USP34: variants seen among roughly 807,000 people sequenced by gnomAD.
USP34 encodes ubiquitin carboxyl-terminal hydrolase 34.
In USP34, 70 loss-of-function variants were observed where a neutral mutation model predicts 460.3. That is an observed-to-expected ratio of 0.15 (90% CI 0.13 to 0.19). The LOEUF (loss-of-function observed/expected upper bound fraction) is 0.19, where lower values mean the gene tolerates loss of function less well. USP34 is among the 10% of genes least tolerant of loss of function. USP34 has a pLI of 1.00. For synonymous variants in USP34, 1,647 were observed against 1,405.3 expected (o/e 1.17, Z -3.85); for missense variants, 3,985 against 4,236.2 (o/e 0.94, Z 1.65).
At chr2:61,306,514 G>C (rs1690409315) in intron 27 of USP34, among the ~76,000 whole-genome samples, 1 of 152,172 alleles carries the variant, frequency 6.6e-6, no homozygotes, top group African/African-American at 2.4e-5. Flanking sequence ...GATGCCTCCA[G>C]CTTTGTTCTT....
rs188961996 is a variant in USP34, at chr2:61,327,430, G to A, written c.2931-1973C>T. On this transcript the variant is annotated intron_variant, in intron 20 of 79. Coordinates refer to ENST00000398571, the MANE Select transcript of USP34 (RefSeq NM_014709.4). ...ACAGCTAGCTCTTAAGGGCTTCTAG[G>A]CTTTTTAAGTTAAACAACAAGGGAT... is the stretch of plus-strand genomic sequence containing the variant. Among the ~76,000 whole-genome samples, 5 of 152,254 alleles carry A rather than the reference G, an allele frequency of 3.3e-5. No individual in the cohort carries two copies. In the East Asian group the frequency reaches 9.6e-4, roughly 29 times the overall value.
chr2:61,328,067 C>T (rs972096929), intron 20 of USP34, among the ~76,000 whole-genome samples: 3 of 152,040 alleles, frequency 2.0e-5, no homozygotes, highest in Non-Finnish European at 4.4e-5. Context: ...GAGGCGGAGG[C>T]GGAGGCGGGT....
intron 78 of USP34, 71 bp from the exon 79 acceptor site, chr2:61,189,140 T>G (rs1686541907): frequency 2.0e-6 from 3 of 1,477,304 alleles, no homozygotes; most frequent in Non-Finnish European, 2.7e-6. Context: ...TACAGTTAAT[T>G]GCAGATGTTT....
intron 10 of USP34, among the ~76,000 whole-genome samples, chr2:61,352,680 TAAAAA>T (rs35329949): frequency 7.1e-6 from 1 of 141,668 alleles, no homozygotes; most frequent in Non-Finnish European, 1.5e-5. Context: ...TAACTGAGAT[TAAAAA>T]AAAAAAAAAC....
At chr2:61,269,277 C>A (rs1689143406) in intron 41 of USP34, among the ~76,000 whole-genome samples, 1 of 151,826 alleles carries the variant, frequency 6.6e-6, no homozygotes, top group Non-Finnish European at 1.5e-5. Context: ...CCTCCCAGCT[C>A]AGCCTCCTGC....
At chr2:61,329,159 T>C (rs1301916100) in intron 20 of USP34, among the ~76,000 whole-genome samples, 1 of 152,022 alleles carries the variant, frequency 6.6e-6, no homozygotes, top group Non-Finnish European at 1.5e-5. Context: ...GTAGCTGAGA[T>C]TACAGGCATG....
intron 10 of USP34, among the ~76,000 whole-genome samples, chr2:61,353,738 A>G (rs1347816718): frequency 1.3e-5 from 2 of 152,144 alleles, no homozygotes; most frequent in Admixed American, 1.3e-4. Flanking sequence ...CACTAGACAA[A>G]GATTTTAAAA....
intron 35 of USP34, 39 bp downstream of exon 35, chr2:61,284,835 GC>G: frequency 6.9e-7 from 1 of 1,457,622 alleles, no homozygotes; most frequent in Non-Finnish European, 9.3e-7. Context: ...TTATATTCCT[GC>G]TATACATACA....
chr2:61,211,687 T>G (rs949931158), intron 69 of USP34, 85 bp downstream of exon 69: 14 of 1,350,762 alleles, frequency 1.0e-5, no homozygotes, highest in Non-Finnish European at 1.3e-5. Context: ...GCTTCCCCAA[T>G]GTAAATGATT....
intron 65 of USP34, 29 bp from the exon 66 acceptor site, chr2:61,221,635 T>C (rs1188981554): frequency 8.2e-6 from 13 of 1,593,814 alleles, no homozygotes; most frequent in Non-Finnish European, 8.6e-6. Context: ...ACTGTGTATT[T>C]AGATCAATCT....
At chr2:61,341,763 T>C (rs1207552310) in intron 16 of USP34, among the ~76,000 whole-genome samples, 2 of 143,486 alleles carry the variant, frequency 1.4e-5, no homozygotes, top group African/African-American at 2.6e-5. Context: ...TTCTTTTTTT[T>C]TTTTTTTTTT....
At chr2:61,391,593 CAG>C (rs1358810296) in intron 5 of USP34, among the ~76,000 whole-genome samples, 11 of 152,008 alleles carry the variant, frequency 7.2e-5, no homozygotes, top group African/African-American at 2.4e-4. Flanking sequence ...CTGTGAAATT[CAG>C]AGATTCCCAA....
intron 27 of USP34, among the ~76,000 whole-genome samples, chr2:61,308,514 G>C (rs1442798284): frequency 2.6e-5 from 4 of 152,112 alleles, no homozygotes; most frequent in African/African-American, 9.7e-5. Context: ...CTAGATAATG[G>C]ATATGTTCCA....
chr2:61,327,230 G>A (rs191090998), intron 20 of USP34, among the ~76,000 whole-genome samples: 5 of 152,334 alleles, frequency 3.3e-5, no homozygotes, highest in East Asian at 1.9e-4. Context: ...CACTGGACAT[G>A]CCTTTGCTGC....
intron 47 of USP34, 45 bp from the exon 48 acceptor site, chr2:61,256,523 G>A: frequency 7.0e-7 from 1 of 1,421,778 alleles, no homozygotes; most frequent in Non-Finnish European, 9.5e-7. Flanking sequence ...ATTGTTTATA[G>A]CATGCAAATA....
At chr2:61,201,148 T>C (rs576483025) in intron 75 of USP34, among the ~76,000 whole-genome samples, 1 of 151,910 alleles carries the variant, frequency 6.6e-6, no homozygotes, top group South Asian at 2.1e-4. Context: ...CACTCACAAA[T>C]GATGGGCTAC....
At position 61,294,846 on chromosome 2, in the gene USP34, T is replaced by C. The variant is rs1032988047; in HGVS notation, c.4461+103A>G. ...ATTTTTAAACTATGCTTTATTTTAA[T>C]AGTATATTAGTTTAAAATCAATGAA... On this transcript the variant is annotated intron_variant, in intron 32 of 79. Transcript: ENST00000398571. 1.3e-5 allele frequency: 12 copies of C among 899,858 alleles called. No individual in the cohort carries two copies. In the Admixed American group the frequency reaches 1.4e-4, roughly 11 times the overall value. The allele number at this position is 899,858 out of a possible 1,614,324, so 55.7% of individuals were successfully genotyped here.
chr2:61,234,828 A>G (rs1367668117), intron 57 of USP34, among the ~76,000 whole-genome samples: 1 of 151,836 alleles, frequency 6.6e-6, no homozygotes, highest in African/African-American at 2.4e-5. Context: ...GTAGAGATGT[A>G]GTTTTGCATG....
chr2:61,417,700 A>G (rs1694234882), intron 2 of USP34, among the ~76,000 whole-genome samples: 1 of 144,294 alleles, frequency 6.9e-6, no homozygotes, highest in Non-Finnish European at 1.5e-5. Flanking sequence ...GAAAAAATAT[A>G]TATATAAAAT....
Sources: gnomAD v4.1 joint callset for allele counts (sites outside exome capture counted in the v4.1 genomes callset) on GRCh38, gnomAD v4.1.1 for gene constraint, MANE v1.5 for transcripts, NCBI Gene and HGNC (gene_info 2026-07-23, HGNC 2026-07-21) for gene names.